ANGPT1: variants seen among roughly 807,000 people sequenced by gnomAD.
ANGPT1 encodes the protein angiopoietin 1.
A neutral mutation model predicts 62.2 loss-of-function variants in ANGPT1; 17 were observed. The ratio of observed to expected loss-of-function variants is 0.27; its 90% CI spans 0.19 to 0.41. The LOEUF (loss-of-function observed/expected upper bound fraction) is 0.41, where lower values mean the gene tolerates loss of function less well. Among genes scored for constraint, ANGPT1 ranks in the 10% least tolerant of loss-of-function variants. ANGPT1 has a pLI of 1.00. For missense variants in ANGPT1, 478 were observed against 594.9 expected (o/e 0.80, Z 2.04); for synonymous variants, 199 against 198.9 (o/e 1.00, Z 0.00).
intron 1 of ANGPT1, among the ~76,000 whole-genome samples, chr8:107,465,651 G>C (rs140029676): frequency 6.6e-6 from 1 of 152,148 alleles, no homozygotes; most frequent in Admixed American, 6.6e-5. Context: ...ATACATCTTC[G>C]TTTTCAAGTA....
intron 1 of ANGPT1, among the ~76,000 whole-genome samples, chr8:107,410,712 AC>A (rs1186883385): frequency 6.6e-6 from 1 of 152,186 alleles, no homozygotes; most frequent in African/African-American, 2.4e-5. Flanking sequence ...GACTTAACAA[AC>A]AAATGGACAA....
intron 1 of ANGPT1, among the ~76,000 whole-genome samples, chr8:107,475,579 G>T (rs1420660819): frequency 1.3e-5 from 2 of 152,166 alleles, no homozygotes; most frequent in African/African-American, 4.8e-5. Flanking sequence ...AGCCAAAATT[G>T]ACAAATGGGA....
At chr8:107,408,652 T>G (rs142809208) in intron 1 of ANGPT1, among the ~76,000 whole-genome samples, 1 of 152,262 alleles carries the variant, frequency 6.6e-6, no homozygotes, top group Admixed American at 6.5e-5. Flanking sequence ...AAAGGAACTC[T>G]TATCTTTGGA....
At chr8:107,338,090 T>C (rs1815612715) in intron 2 of ANGPT1, among the ~76,000 whole-genome samples, 1 of 152,018 alleles carries the variant, frequency 6.6e-6, no homozygotes, top group Non-Finnish European at 1.5e-5. Context: ...AGTGAGACCC[T>C]ATCTCAAAAA....
intron 1 of ANGPT1, among the ~76,000 whole-genome samples, chr8:107,440,986 A>G (rs1397023634): frequency 6.6e-6 from 1 of 152,232 alleles, no homozygotes; most frequent in Non-Finnish European, 1.5e-5. Flanking sequence ...TAAATCTAGC[A>G]GAAACCAACC....
chr8:107,342,676 A>G (rs1479956718), intron 2 of ANGPT1, among the ~76,000 whole-genome samples: 1 of 152,040 alleles, frequency 6.6e-6, no homozygotes, highest in Non-Finnish European at 1.5e-5. Flanking sequence ...CTTGTAAGAA[A>G]ACTAATTACA....
At chr8:107,384,991 C>T (rs1003692806) in intron 1 of ANGPT1, among the ~76,000 whole-genome samples, 2 of 152,084 alleles carry the variant, frequency 1.3e-5, no homozygotes, top group African/African-American at 4.8e-5. Flanking sequence ...GTTTTTGTAA[C>T]AGTACCATGC....
intron 7 of ANGPT1, among the ~76,000 whole-genome samples, chr8:107,276,247 T>A (rs1813863506): frequency 6.6e-6 from 1 of 152,138 alleles, no homozygotes. Flanking sequence ...GTTGGAGAAA[T>A]TATTTGAAAA....
intron 1 of ANGPT1, among the ~76,000 whole-genome samples, chr8:107,352,077 T>C (rs1815945117): frequency 6.6e-6 from 1 of 152,134 alleles, no homozygotes; most frequent in African/African-American, 2.4e-5. Flanking sequence ...GATTGACCAG[T>C]AGCTTGTGCT....
chr8:107,387,037 T>C (rs759665498), intron 1 of ANGPT1, among the ~76,000 whole-genome samples: 2 of 152,112 alleles, frequency 1.3e-5, no homozygotes, highest in Non-Finnish European at 2.9e-5. Context: ...TAATAATTCT[T>C]AGTTTAGTGG....
At chr8:107,340,871 T>C (rs1019551670) in intron 2 of ANGPT1, among the ~76,000 whole-genome samples, 1 of 152,136 alleles carries the variant, frequency 6.6e-6, no homozygotes, top group Admixed American at 6.5e-5. Flanking sequence ...CTTTATTTTT[T>C]TTTCCAAAGA....
chr8:107,324,215 A>G lies in ANGPT1; in HGVS notation c.576-2087T>C, dbSNP rs201949786. Among the ~76,000 whole-genome samples the G allele has an allele frequency of 2.6e-4, 38 of 144,826 alleles. 1 individual carries two copies. Among genetic ancestry groups the G allele is most frequent in the Non-Finnish European group, 3.9e-4 (26 of 66,732 alleles). ...TATATGTATATATATGTATATATAT[A>G]TGTGTGTGTGTGTGTGTGTGTGAAG... On this transcript the variant is annotated intron_variant, in intron 3 of 8. Coordinates refer to ENST00000517746, the MANE Select transcript of ANGPT1 (RefSeq NM_001146.5).
intron 5 of ANGPT1, among the ~76,000 whole-genome samples, chr8:107,300,460 T>C (rs979862900): frequency 1.3e-5 from 2 of 151,720 alleles, no homozygotes; most frequent in Admixed American, 6.6e-5. Flanking sequence ...AACAAGAGAA[T>C]GAACATCTAA....
chr8:107,390,826 A>G (rs1816820196), intron 1 of ANGPT1, among the ~76,000 whole-genome samples: 1 of 152,206 alleles, frequency 6.6e-6, no homozygotes, highest in South Asian at 2.1e-4. Flanking sequence ...GACTTGCTCA[A>G]GATCACAGAT....
intron 1 of ANGPT1, among the ~76,000 whole-genome samples, chr8:107,436,402 C>T (rs1465765804): frequency 6.6e-6 from 1 of 152,178 alleles, no homozygotes; most frequent in Non-Finnish European, 1.5e-5. Context: ...ATATTATGTT[C>T]TTTTGGGCTT....
At position 107,293,997 on chromosome 8, in the gene ANGPT1, A is replaced by G; in HGVS notation, c.977T>C (p.Val326Ala). ...ACTTCCATCTTCACGATGTTGTATT[A>G]CAGTCCAACCTCCCCCATTGACATC... ...NMDVNGGGWT[V>A]IQHREDGSLD... Residue 326 changes from valine (V) to alanine (A), a missense_variant, in exon 6 of 9, where the codon GTA (valine) becomes GCA (alanine). This residue lies in a region of ANGPT1 where 81 missense variants were observed against 117.1 expected (regional missense o/e 0.69). Coordinates refer to ENST00000517746, the MANE Select transcript of ANGPT1 (RefSeq NM_001146.5). 2 of 1,613,658 alleles carry G rather than the reference A, an allele frequency of 1.2e-6. No homozygotes were observed. The highest frequency in any genetic ancestry group is 2.2e-5 in the East Asian group (1 of 44,796).
rs947687073 is a variant in ANGPT1 at position 107,294,028 on chromosome 8, T to C, written c.946A>G (p.Asn316Asp). The C allele has an allele frequency of 3.1e-6, 5 of 1,611,138 alleles. No individual in the cohort carries two copies. The Admixed American group carries it at 6.7e-5, about 22-fold the overall frequency. ...NMPEPKKVFC[N>D]MDVNGGGWTV... The stretch of plus-strand genomic sequence containing the variant: ...CAACCTCCCCCATTGACATCCATAT[T>C]GCAAAACACCTGACAAATGGAAAAC... Residue 316 changes from asparagine (N) to aspartate (D), a missense_variant, in exon 6 of 9, where the codon AAT (asparagine) becomes GAT (aspartate). Physicochemically the swap from Asn to Asp is conservative, Grantham distance 23. Around this residue, in one of 4 missense-constraint regions of ANGPT1, gnomAD observed 81 missense variants for 117.1 expected, o/e 0.69. Transcript: ENST00000517746.
intron 6 of ANGPT1, among the ~76,000 whole-genome samples, chr8:107,289,821 A>G (rs1009064980): frequency 1.3e-5 from 2 of 152,112 alleles, no homozygotes; most frequent in Non-Finnish European, 2.9e-5. Flanking sequence ...GTCATTGCCT[A>G]CAACAGTATA....
At chr8:107,444,797 T>C (rs1274103166) in intron 1 of ANGPT1, among the ~76,000 whole-genome samples, 1 of 152,118 alleles carries the variant, frequency 6.6e-6, no homozygotes, top group Non-Finnish European at 1.5e-5. Context: ...GATCAGATGA[T>C]AGCTATTAAT....
Sources: gnomAD v4.1 joint callset for allele counts (sites outside exome capture counted in the v4.1 genomes callset) on GRCh38, gnomAD v4.1.1 for gene constraint, gnomAD v4.1.1 regional missense constraint, MANE v1.5 for transcripts, NCBI Gene and HGNC (gene_info 2026-07-23, HGNC 2026-07-21) for gene names.